TRAPPC9: variants seen among roughly 807,000 people sequenced by gnomAD.
The protein encoded by TRAPPC9 is trafficking protein particle complex subunit 9.
In TRAPPC9, 83 loss-of-function variants were observed where a neutral mutation model predicts 124.0. The observed-to-expected ratio is 0.67, with a 90% CI of 0.56 to 0.80. The LOEUF is 0.80. TRAPPC9 is among the 30% of genes least tolerant of loss of function. The pLI is 0.00. For synonymous variants in TRAPPC9, 638 were observed against 617.5 expected, an observed-to-expected ratio of 1.03 and a Z score of -0.49; for missense variants, 1,302 against 1,508.3, an observed-to-expected ratio of 0.86 and a Z score of 2.27.
At chr8:139,904,045 G>A (rs892158211) in intron 20 of TRAPPC9, among the ~76,000 whole-genome samples, 4 of 152,114 alleles carry the variant, frequency 2.6e-5, no homozygotes, top group African/African-American at 9.6e-5. Flanking sequence ...ATGTGCTAGC[G>A]ATTATACACA....
chr8:139,911,846 A>AG (rs1256884454), intron 19 of TRAPPC9, among the ~76,000 whole-genome samples: 4 of 152,002 alleles, frequency 2.6e-5, no homozygotes, highest in African/African-American at 7.2e-5. Flanking sequence ...CCTGCTGTTA[A>AG]GGGGATATAA....
At chr8:140,129,545 C>T (rs145836631) in intron 17 of TRAPPC9, among the ~76,000 whole-genome samples, 12 of 152,154 alleles carry the variant, frequency 7.9e-5, no homozygotes, top group Non-Finnish European at 1.5e-4. Flanking sequence ...GGATGGAACC[C>T]GAGCTGCGTG....
chr8:140,121,628 T>G (rs2060987412), intron 17 of TRAPPC9, among the ~76,000 whole-genome samples: 1 of 152,156 alleles, frequency 6.6e-6, no homozygotes, highest in Non-Finnish European at 1.5e-5. Context: ...ATGTTATAAT[T>G]ATAGGCACAC....
chr8:140,136,496 A>G (rs2061306076), intron 17 of TRAPPC9, among the ~76,000 whole-genome samples: 1 of 152,202 alleles, frequency 6.6e-6, no homozygotes, highest in Non-Finnish European at 1.5e-5. Context: ...CACTAGAAGT[A>G]CAGAAATGAG....
At chr8:139,966,561 G>A (rs1320618475) in intron 19 of TRAPPC9, among the ~76,000 whole-genome samples, 1 of 152,158 alleles carries the variant, frequency 6.6e-6, no homozygotes, top group Admixed American at 6.5e-5. Flanking sequence ...GTGTTAAATG[G>A]GTATAAATTT....
chr8:140,095,325 A>G (rs1844865717), intron 17 of TRAPPC9: 1 of 152,282 alleles, frequency 6.6e-6, no homozygotes, highest in South Asian at 2.1e-4. Context: ...GGGCTGGGAC[A>G]GAGAATGGCA....
At chr8:140,269,374 T>A (rs1307766441) in intron 15 of TRAPPC9, among the ~76,000 whole-genome samples, 1 of 151,870 alleles carries the variant, frequency 6.6e-6, no homozygotes, top group East Asian at 1.9e-4. Context: ...ACCCTGTCTC[T>A]ACTAAAAATA....
intron 17 of TRAPPC9, among the ~76,000 whole-genome samples, chr8:140,179,118 T>C (rs2062141680): frequency 6.6e-6 from 1 of 152,152 alleles, no homozygotes. Context: ...TATTTTCTTC[T>C]CCTTTCTAGT....
chr8:140,135,925 G>A (rs765354283), intron 17 of TRAPPC9, among the ~76,000 whole-genome samples: 30 of 152,336 alleles, frequency 2.0e-4, no homozygotes, highest in Non-Finnish European at 3.5e-4. Context: ...ATAGAAAAGC[G>A]TAACAGAGTC....
intron 20 of TRAPPC9, among the ~76,000 whole-genome samples, chr8:139,906,437 G>A (rs1831368707): frequency 6.6e-6 from 1 of 152,202 alleles, no homozygotes; most frequent in South Asian, 2.1e-4. Flanking sequence ...CACTCTAGGA[G>A]GAGTGCCCGG....
At chr8:139,956,892 T>A (rs958179784) in intron 19 of TRAPPC9, among the ~76,000 whole-genome samples, 1 of 152,288 alleles carries the variant, frequency 6.6e-6, no homozygotes. Context: ...CTCTCTCAGT[T>A]AACCCACAAA....
chr8:140,215,548 A>C lies in TRAPPC9; in HGVS notation c.2556+5911T>G, dbSNP rs528847511. ...GTAGTCCCAGCTACTTGGGAGGCTG[A>C]GGCAGGAGAATTGCTTGAACCCGGG... On this transcript the variant is annotated intron_variant, in intron 17 of 22. Coordinates refer to ENST00000438773, the MANE Select transcript of TRAPPC9 (RefSeq NM_001160372.4). 2.7e-3 allele frequency among the ~76,000 whole-genome samples: 405 copies of C among 151,950 alleles called. 3 individuals are homozygous for C. Among genetic ancestry groups the C allele is most frequent in the African/African-American group, 9.2e-3 (382 of 41,454 alleles).
chr8:140,358,575 G>A lies in TRAPPC9; in HGVS notation c.1495+1475C>T, dbSNP rs1588211110. Among the ~76,000 whole-genome samples the A allele has an allele frequency of 1.3e-5, 2 of 152,326 alleles. 1 individual carries two copies. The highest frequency in any genetic ancestry group is 4.1e-4 in the South Asian group (2 of 4,824). ...CACCCCACGTTACCCTGGAGCCAGA[G>A]CCTGCTCAAAGACAGAGAACAGCCA... On this transcript the variant is annotated intron_variant, in intron 9 of 22. Transcript: ENST00000438773.
At chr8:140,429,548 G>A (rs2132568429) in intron 4 of TRAPPC9, among the ~76,000 whole-genome samples, 1 of 152,136 alleles carries the variant, frequency 6.6e-6, no homozygotes, top group East Asian at 1.9e-4. Flanking sequence ...TTAAATTGGT[G>A]TATATAAAAT....
chr8:140,255,150 T>A (rs1308230117), intron 15 of TRAPPC9, among the ~76,000 whole-genome samples: 2 of 152,182 alleles, frequency 1.3e-5, no homozygotes. Flanking sequence ...TAAAGAAGGA[T>A]ACTAACACAG....
intron 9 of TRAPPC9, among the ~76,000 whole-genome samples, chr8:140,350,361 C>G (rs2067522044): frequency 6.6e-6 from 1 of 152,194 alleles, no homozygotes; most frequent in Non-Finnish European, 1.5e-5. Context: ...CACCAGTGGC[C>G]ACCCCAGGCA....
Position 140,159,224 on chromosome 8 carries a change from T to C in TRAPPC9, c.2556+62235A>G, listed in dbSNP as rs963058230. Among the ~76,000 whole-genome samples the C allele has an allele frequency of 1.6e-4, 25 of 152,334 alleles. No individual in the cohort carries two copies. The East Asian group carries it at 4.8e-3, about 29-fold the overall frequency. On this transcript the variant is annotated intron_variant, in intron 17 of 22. Transcript: ENST00000438773. ...ATACCTAAAATTCCACTTCAGAAAA[T>C]TTAGATTTAAAATGCCTAAATCTAT... is the stretch of plus-strand genomic sequence containing the variant.
intron 14 of TRAPPC9, among the ~76,000 whole-genome samples, chr8:140,276,549 C>T (rs1340607756): frequency 6.6e-6 from 1 of 152,202 alleles, no homozygotes; most frequent in African/African-American, 2.4e-5. Context: ...CCTGTGAGCC[C>T]TCACCTGACT....
At position 140,221,446 on chromosome 8, in the gene TRAPPC9, C is replaced by G; in HGVS notation, c.2556+13G>C. 14 of 1,613,930 alleles carry G rather than the reference C, an allele frequency of 8.7e-6. No homozygotes were observed. The highest frequency in any genetic ancestry group is 1.2e-5 in the Non-Finnish European group (14 of 1,179,902). Reference sequence around the variant, plus strand: ...ACGGCACGTGGCAGATGCCGTCTGCCATACCAACTCACCTTCACGTGGCTG... The same window carrying G: ...ACGGCACGTGGCAGATGCCGTCTGCGATACCAACTCACCTTCACGTGGCTG... On this transcript the variant is annotated intron_variant, in intron 17 of 22. Coordinates refer to ENST00000438773, the MANE Select transcript of TRAPPC9 (RefSeq NM_001160372.4).
Sources: gnomAD v4.1 joint callset for allele counts (sites outside exome capture counted in the v4.1 genomes callset) on GRCh38, gnomAD v4.1.1 for gene constraint, MANE v1.5 for transcripts, NCBI Gene and HGNC (gene_info 2026-07-23, HGNC 2026-07-21) for gene names.